RAB3GAP2: variants seen among roughly 807,000 people sequenced by gnomAD.
The protein encoded by RAB3GAP2 is rab3 GTPase-activating protein non-catalytic subunit.
RAB3GAP2 carries 87 observed loss-of-function variants against 185.3 expected under a neutral mutation model. That is an observed-to-expected ratio of 0.47 (90% CI 0.39 to 0.56). The LOEUF (loss-of-function observed/expected upper bound fraction) is 0.56, where lower values mean the gene tolerates loss of function less well. Among genes scored for constraint, RAB3GAP2 ranks in the 20% least tolerant of loss-of-function variants. The pLI is 0.00. For synonymous variants in RAB3GAP2, 554 were observed against 576.1 expected (o/e 0.96, Z 0.55); for missense variants, 1,492 against 1,638.2 (o/e 0.91, Z 1.54).
intron 21 of RAB3GAP2, 101 bp downstream of exon 21, chr1:220,182,154 CTG>C: frequency 6.4e-7 from 1 of 1,559,404 alleles, no homozygotes; most frequent in Non-Finnish European, 8.6e-7. Flanking sequence ...CATGGACATT[CTG>C]TGATATCCTA....
chr1:220,152,287 G>A (rs1478726760), intron 33 of RAB3GAP2, among the ~76,000 whole-genome samples: 1 of 151,906 alleles, frequency 6.6e-6, no homozygotes, highest in East Asian at 1.9e-4. Flanking sequence ...ATGTTGCCCA[G>A]GCTGGTCTTG....
Position 220,210,570 on chromosome 1 carries a change from T to C in RAB3GAP2, c.511-81A>G, listed in dbSNP as rs556577781. 8.0e-5 allele frequency: 92 copies of C among 1,143,768 alleles called. 1 individual carries two copies. The South Asian group carries it at 1.1e-3, about 14-fold the overall frequency. 70.9% of individuals were successfully genotyped at this position (1,143,768 alleles called of 1,614,324 possible). A position where few individuals can be genotyped will look rare whatever the true frequency, so the allele number is the denominator to read the frequency against. ...AGGTATGGCCAGGCAAAGAGTACCA[T>C]TTCCCCAACAGTTTTCCAGAGATAC... On this transcript the variant is annotated intron_variant, in intron 6 of 34. Transcript: ENST00000358951.
At chr1:220,262,341 A>G (rs1660157327) in intron 1 of RAB3GAP2, among the ~76,000 whole-genome samples, 1 of 152,026 alleles carries the variant, frequency 6.6e-6, no homozygotes, top group Non-Finnish European at 1.5e-5. Flanking sequence ...AAAAAAACAT[A>G]AAATTTATCA....
chr1:220,207,813 G>T (rs1297910134), intron 7 of RAB3GAP2: 1 of 152,220 alleles, frequency 6.6e-6, no homozygotes, highest in East Asian at 1.9e-4. Context: ...TCTTTTTACA[G>T]AAGCTATTAT....
At chr1:220,188,116 A>C (rs1000925281) in intron 17 of RAB3GAP2, among the ~76,000 whole-genome samples, 1 of 151,960 alleles carries the variant, frequency 6.6e-6, no homozygotes, top group African/African-American at 2.4e-5. Flanking sequence ...AAAAAAAAAA[A>C]AACCCTACAT....
At chr1:220,206,359 C>T (rs1658966974) in intron 7 of RAB3GAP2, among the ~76,000 whole-genome samples, 1 of 152,206 alleles carries the variant, frequency 6.6e-6, no homozygotes, top group Non-Finnish European at 1.5e-5. Flanking sequence ...TCTCAATACA[C>T]ATCCCCAAAT....
chr1:220,213,733 G>GC lies in RAB3GAP2; in HGVS notation c.304+122_304+123insG. 2.0e-5 allele frequency: 3 copies of GC among 152,122 alleles called. No individual in the cohort carries two copies. The South Asian group carries it at 3.4e-4, about 17-fold the overall frequency. 9.4% of individuals were successfully genotyped at this position (152,122 alleles called of 1,614,324 possible). A position where few individuals can be genotyped will look rare whatever the true frequency, so the allele number is the denominator to read the frequency against. ...GGAGGGAGGGGGCGGAGGAGGAGTTGGGGGGGGGGGGAGAGAGAGAGAAAT... is the reference window on the plus strand; with the variant it reads ...GGAGGGAGGGGGCGGAGGAGGAGTTGCGGGGGGGGGGGAGAGAGAGAGAAAT... On this transcript the variant is annotated intron_variant, in intron 3 of 34. Coordinates refer to ENST00000358951, the MANE Select transcript of RAB3GAP2 (RefSeq NM_012414.4).
chr1:220,189,337 C>G (rs1658566216), intron 17 of RAB3GAP2, among the ~76,000 whole-genome samples: 1 of 151,786 alleles, frequency 6.6e-6, no homozygotes. Flanking sequence ...CCTGCCTCAG[C>G]TCCTGAGTAG....
chr1:220,226,286 T>C (rs184655690), intron 2 of RAB3GAP2, among the ~76,000 whole-genome samples: 12 of 152,324 alleles, frequency 7.9e-5, no homozygotes, highest in Admixed American at 6.5e-4. Flanking sequence ...AGTCTTGCCA[T>C]GAAATTAAAT....
chr1:220,200,534 T>C (rs770901644), intron 9 of RAB3GAP2: 4 of 525,472 alleles, frequency 7.6e-6, no homozygotes, highest in African/African-American at 1.9e-5. Context: ...ACGTTTATTG[T>C]ACCTTTTTTC....
At chr1:220,213,028 T>C in intron 3 of RAB3GAP2, 60 bp from the exon 4 acceptor site, 1 of 1,294,698 alleles carries the variant, frequency 7.7e-7, no homozygotes, top group Non-Finnish European at 1.1e-6. Context: ...AAAGAGTAAT[T>C]TATAAATTTT....
intron 2 of RAB3GAP2, among the ~76,000 whole-genome samples, chr1:220,222,120 T>C (rs976431237): frequency 6.6e-6 from 1 of 152,208 alleles, no homozygotes; most frequent in Admixed American, 6.5e-5. Context: ...AAAATATTCA[T>C]CTATACTTTT....
chr1:220,160,096 T>G (rs1215466826), intron 28 of RAB3GAP2, among the ~76,000 whole-genome samples: 3 of 151,940 alleles, frequency 2.0e-5, no homozygotes, highest in African/African-American at 7.2e-5. Flanking sequence ...AGAATTCAGC[T>G]TGTTGATAAA....
chr1:220,195,270 T>C, intron 11 of RAB3GAP2, 28 bp downstream of exon 11: 1 of 1,599,066 alleles, frequency 6.3e-7, no homozygotes. Context: ...AAATGAGATA[T>C]TTGTTATTTT....
At chr1:220,227,187 C>T (rs1299692811) in intron 2 of RAB3GAP2, among the ~76,000 whole-genome samples, 1 of 152,186 alleles carries the variant, frequency 6.6e-6, no homozygotes, top group African/African-American at 2.4e-5. Flanking sequence ...GGTCTTCTGT[C>T]ACAGAAACTA....
chr1:220,238,449 T>A (rs141217814), intron 1 of RAB3GAP2, among the ~76,000 whole-genome samples: 2 of 152,228 alleles, frequency 1.3e-5, no homozygotes, highest in South Asian at 2.1e-4. Context: ...TAAAGAGTTA[T>A]ATGATCTTGG....
rs565560325 is a variant in RAB3GAP2, at chr1:220,162,303, T to A, written c.3155-35A>T. The A allele has an allele frequency of 3.6e-6, 5 of 1,391,818 alleles. No homozygotes were observed. The East Asian group carries it at 6.9e-5, about 19-fold the overall frequency. 86.2% of individuals were successfully genotyped at this position (1,391,818 alleles called of 1,614,324 possible). ...AAGTAAAAGTAGTAAATAGAATGCT[T>A]ATATAGTCTCACTTTTATTACACAT... On this transcript the variant is annotated intron_variant, in intron 27 of 34. Coordinates refer to ENST00000358951, the MANE Select transcript of RAB3GAP2 (RefSeq NM_012414.4).
At chr1:220,246,123 A>G (rs1027755127) in intron 1 of RAB3GAP2, among the ~76,000 whole-genome samples, 1 of 152,210 alleles carries the variant, frequency 6.6e-6, no homozygotes, top group Non-Finnish European at 1.5e-5. Flanking sequence ...AAGGACATGA[A>G]CAGACACTTC....
At chr1:220,214,122 T>C (rs1659138028) in intron 2 of RAB3GAP2, 143 bp from the exon 3 acceptor site, 3 of 831,002 alleles carry the variant, frequency 3.6e-6, no homozygotes, top group African/African-American at 3.4e-5. Flanking sequence ...ATATTCCTTA[T>C]CAAAACATGC....
Sources: gnomAD v4.1 joint callset for allele counts (sites outside exome capture counted in the v4.1 genomes callset) on GRCh38, gnomAD v4.1.1 for gene constraint, MANE v1.5 for transcripts, NCBI Gene and HGNC (gene_info 2026-07-23, HGNC 2026-07-21) for gene names.